The following GLI3 variants were observed in gnomAD, a reference collection of about 807,000 sequenced individuals.
GLI3 encodes transcription activator GLI3.
GLI3 carries 20 observed loss-of-function variants against 100.8 expected under a neutral mutation model. The observed-to-expected ratio is 0.20, with a 90% CI of 0.14 to 0.29. The LOEUF is 0.29. Among genes scored for constraint, GLI3 ranks in the 10% least tolerant of loss-of-function variants. GLI3 has a pLI of 1.00. For missense variants in GLI3, 2,040 were observed against 2,128.5 expected (o/e 0.96, Z 0.82); for synonymous variants, 938 against 860.5 (o/e 1.09, Z -1.58).
At chr7:41,980,642 A>G (rs1787638399) in intron 10 of GLI3, among the ~76,000 whole-genome samples, 1 of 152,158 alleles carries the variant, frequency 6.6e-6, no homozygotes, top group Non-Finnish European at 1.5e-5. Context: ...GCAGAGAGTG[A>G]GGGAGACAGA....
chr7:42,254,214 C>T (rs1293286868), intron 1 of GLI3, among the ~76,000 whole-genome samples: 3 of 15,338 alleles, frequency 2.0e-4, no homozygotes, highest in Non-Finnish European at 4.0e-4. Context: ...AGCAAAACTC[C>T]GTTAAAAAAA....
intron 9 of GLI3, 56 bp from the exon 10 acceptor site, chr7:42,023,664 C>T (rs1486242407): frequency 1.3e-6 from 2 of 1,517,844 alleles, no homozygotes; most frequent in Admixed American, 1.7e-5. Flanking sequence ...TCAGACACAA[C>T]AGGAGGGAAG....
chr7:42,200,493 G>A lies in GLI3; in HGVS notation c.124+22637C>T, dbSNP rs564228916. On this transcript the variant is annotated intron_variant, in intron 2 of 14. Coordinates refer to ENST00000395925, the MANE Select transcript of GLI3 (RefSeq NM_000168.6). ...GCCAGAGAACGCTCCACTACCTCCC[G>A]TATCCACTATTTTAAAGTGCCTTTG... Among the ~76,000 whole-genome samples, 24 of 152,170 alleles carry A rather than the reference G, an allele frequency of 1.6e-4. No homozygotes were observed. The South Asian group carries it at 3.3e-3, about 21-fold the overall frequency.
intron 2 of GLI3, among the ~76,000 whole-genome samples, chr7:42,181,263 C>A (rs1787585723): frequency 6.6e-6 from 1 of 152,160 alleles, no homozygotes; most frequent in Admixed American, 6.5e-5. Flanking sequence ...GGTCCAGATA[C>A]ATCACAGACA....
intron 1 of GLI3, among the ~76,000 whole-genome samples, chr7:42,249,526 T>C (rs146948066): frequency 4.5e-4 from 68 of 152,194 alleles, no homozygotes; most frequent in African/African-American, 1.6e-3. Context: ...CCCAGAAAGA[T>C]TTAGTTTCAA....
chr7:42,241,833 A>G (rs1788928038), upstream of GLI3, among the ~76,000 whole-genome samples: 1 of 152,216 alleles, frequency 6.6e-6, no homozygotes, highest in Non-Finnish European at 1.5e-5. Context: ...ACATTGACCC[A>G]TACCCTATAC....
At chr7:42,117,926 C>T (rs1012049454) in intron 3 of GLI3, among the ~76,000 whole-genome samples, 7 of 152,162 alleles carry the variant, frequency 4.6e-5, no homozygotes, top group East Asian at 3.9e-4. Context: ...CATGGAAGGA[C>T]GGCACCATAG....
At chr7:42,236,536 G>T (rs976003405) in intron 1 of GLI3, among the ~76,000 whole-genome samples, 1 of 152,084 alleles carries the variant, frequency 6.6e-6, no homozygotes, top group African/African-American at 2.4e-5. Context: ...CATGCCTCCC[G>T]CCTCCTTCCG....
intron 4 of GLI3, among the ~76,000 whole-genome samples, chr7:42,058,270 A>C (rs1784502060): frequency 6.6e-6 from 1 of 152,192 alleles, no homozygotes; most frequent in Non-Finnish European, 1.5e-5. Context: ...GTATGGAAGA[A>C]GGGCTTATGA....
At chr7:42,215,985 T>G (rs1291973123) in intron 2 of GLI3, among the ~76,000 whole-genome samples, 1 of 152,190 alleles carries the variant, frequency 6.6e-6, no homozygotes, top group African/African-American at 2.4e-5. Flanking sequence ...ATCAATAAAT[T>G]TAATCCTGGC....
intron 1 of GLI3, among the ~76,000 whole-genome samples, chr7:42,226,453 A>C (rs1221703041): frequency 1.3e-5 from 2 of 152,196 alleles, no homozygotes; most frequent in Non-Finnish European, 2.9e-5. Context: ...GCTCATCACC[A>C]TAGAGAGAGG....
At chr7:42,206,844 T>C (rs963613655) in intron 2 of GLI3, among the ~76,000 whole-genome samples, 1 of 152,138 alleles carries the variant, frequency 6.6e-6, no homozygotes, top group Non-Finnish European at 1.5e-5. Flanking sequence ...ATAGAAAAAC[T>C]GGTAAACAAT....
At chr7:42,018,447 T>C (rs1478354054) in intron 10 of GLI3, among the ~76,000 whole-genome samples, 1 of 152,192 alleles carries the variant, frequency 6.6e-6, no homozygotes, top group South Asian at 2.1e-4. Flanking sequence ...AATGCAACTT[T>C]AGCAAAGGGA....
intron 3 of GLI3, among the ~76,000 whole-genome samples, chr7:42,101,235 T>A (rs1248561573): frequency 6.6e-6 from 1 of 152,164 alleles, no homozygotes; most frequent in East Asian, 1.9e-4. Context: ...TATTCCTTCT[T>A]CCCACAGAAC....
In GLI3 at chr7:41,964,395, C is replaced by A; in HGVS notation, c.4678G>T (p.Gly1560Trp). The A allele has an allele frequency of 6.2e-7, 1 of 1,614,084 alleles. No homozygotes were observed. The highest frequency in any genetic ancestry group is 1.1e-5 in the South Asian group (1 of 91,080). Residue 1560 changes from glycine (G) to tryptophan (W), a missense_variant, in exon 15 of 15, where the codon GGG (glycine) becomes TGG (tryptophan). Physicochemically the swap from Gly to Trp is radical, Grantham distance 184 (BLOSUM62 -2). Transcript: ENST00000395925. Reference protein sequence around the residue: ...LSMSTTNMAIGDMSSLLTSLA... With the variant: ...LSMSTTNMAIWDMSSLLTSLA... Reference sequence around the variant, plus strand: ...GAGGTCAGCAAAGAACTCATGTCCCCGATAGCCATGTTGGTGGTGCTCATG... The same window carrying A: ...GAGGTCAGCAAAGAACTCATGTCCCAGATAGCCATGTTGGTGGTGCTCATG...
intron 2 of GLI3, among the ~76,000 whole-genome samples, chr7:42,197,839 G>A (rs959313654): frequency 6.6e-6 from 1 of 152,144 alleles, no homozygotes; most frequent in African/African-American, 2.4e-5. Flanking sequence ...GTTAACGCAA[G>A]GCTCTCGCTC....
At chr7:42,214,655 G>GA (rs903907289) in intron 2 of GLI3, among the ~76,000 whole-genome samples, 42 of 147,598 alleles carry the variant, frequency 2.8e-4, no homozygotes, top group South Asian at 6.4e-4. Context: ...TTCAAAAAAA[G>GA]AAAAAAAAGA....
chr7:42,071,596 C>T lies in GLI3; in HGVS notation c.473+5156G>A, dbSNP rs938053913. Among the ~76,000 whole-genome samples, 4 of 152,130 alleles carry T rather than the reference C, an allele frequency of 2.6e-5. 1 individual carries two copies. Among genetic ancestry groups the T allele is most frequent in the South Asian group, 4.1e-4 (2 of 4,820 alleles). On this transcript the variant is annotated intron_variant, in intron 4 of 14. Coordinates refer to ENST00000395925, the MANE Select transcript of GLI3 (RefSeq NM_000168.6). The stretch of plus-strand genomic sequence containing the variant: ...GTAAAGATAATACCAGGACAAGCAA[C>T]GTGCTAAATTTAGGGGAGGGGAACT...
At chr7:42,243,377 T>A (rs757470691) in intron 1 of GLI3, among the ~76,000 whole-genome samples, 5 of 152,208 alleles carry the variant, frequency 3.3e-5, no homozygotes, top group Admixed American at 2.0e-4. Context: ...TAGCTCTCTC[T>A]TTGTCCATTG....
Sources: gnomAD v4.1 joint callset for allele counts (sites outside exome capture counted in the v4.1 genomes callset) on GRCh38, gnomAD v4.1.1 for gene constraint, MANE v1.5 for transcripts, NCBI Gene and HGNC (gene_info 2026-07-23, HGNC 2026-07-21) for gene names.